Variants in TPR observed in about 807,000 individuals in gnomAD.
TPR encodes translocated promoter region, nuclear basket protein.
In TPR, 51 loss-of-function variants were observed where a neutral mutation model predicts 316.1. The observed-to-expected ratio is 0.16, with a 90% CI of 0.13 to 0.20. The LOEUF (loss-of-function observed/expected upper bound fraction) is 0.20. Among genes scored for constraint, TPR ranks in the 10% least tolerant of loss-of-function variants. The pLI is 1.00. For synonymous variants in TPR, 981 were observed against 914.7 expected (o/e 1.07, Z -1.31); for missense variants, 2,272 against 2,754.8 (o/e 0.82, Z 3.92).
intron 6 of TPR, 137 bp downstream of exon 6, chr1:186,362,700 A>C (rs1309013089): frequency 2.5e-6 from 2 of 803,062 alleles, no homozygotes; most frequent in East Asian, 5.6e-5. Context: ...TTTTACGCCA[A>C]ATGTAATGCA....
chr1:186,347,509 G>A, intron 21 of TPR, 51 bp from the exon 22 acceptor site: 2 of 1,577,982 alleles, frequency 1.3e-6, no homozygotes, highest in Non-Finnish European at 1.7e-6. Flanking sequence ...TAGTATTAGA[G>A]ATGACTGTTA....
chr1:186,361,851 T>G lies in TPR; in HGVS notation c.808A>C (p.Ser270Arg). 6.2e-7 allele frequency: 1 copy of G among 1,612,972 alleles called. No individual in the cohort carries two copies. The highest frequency in any genetic ancestry group is 8.5e-7 in the Non-Finnish European group (1 of 1,179,230). The change falls in exon 8 of 51, where the codon AGT (serine) becomes CGT (arginine). Residue 270 changes from serine (S) to arginine (R), a missense_variant. Ser to Arg is a moderately radical substitution (Grantham distance 110). This residue lies in a region of TPR where 549 missense variants were observed against 598.6 expected (regional missense o/e 0.92). Coordinates refer to ENST00000367478, the MANE Select transcript of TPR (RefSeq NM_003292.3). The part of the protein sequence containing the change: ...KLKEAKEQQA[S>R]MEEKFHNELN... ...TCATTGTGGAATTTCTCTTCCATAC[T>G]GGCCTGTTGTTCCTTGGCCTGAAAA... is the stretch of plus-strand genomic sequence containing the variant.
chr1:186,333,485 A>T, intron 36 of TPR, 91 bp from the exon 37 acceptor site: 1 of 1,504,140 alleles, frequency 6.6e-7, no homozygotes, highest in Non-Finnish European at 8.9e-7. Context: ...GTCACCTTTC[A>T]CACAGATTTG....
rs1658187972 is a variant in TPR at position 186,332,253 on chromosome 1, T to C, written c.5546A>G (p.Asp1849Gly). Reference protein sequence around the residue: ...TIEASDQVSDDTVEMPLPKKL... With the variant: ...TIEASDQVSDGTVEMPLPKKL... ...CTTTGGAAGAGGCATTTCCACTGTA[T>C]CATCAGAGACTTGGTCTGATGCTTC... is the stretch of plus-strand genomic sequence containing the variant. Residue 1849 changes from aspartate (D) to glycine (G), a missense_variant, in exon 38 of 51, where the codon GAT becomes GGT. By Grantham distance (94) the Asp-to-Gly change is moderately conservative (BLOSUM62 -1). Transcript: ENST00000367478. 6.2e-7 allele frequency: 1 copy of C among 1,612,752 alleles called. No individual in the cohort carries two copies. Among genetic ancestry groups the C allele is most frequent in the Non-Finnish European group, 8.5e-7 (1 of 1,179,340 alleles).
At chr1:186,348,679 G>A (rs1334260982) in intron 21 of TPR, among the ~76,000 whole-genome samples, 2 of 152,126 alleles carry the variant, frequency 1.3e-5, no homozygotes, top group African/African-American at 4.8e-5. Context: ...CAGCCCAGCT[G>A]TAAAATTCCT....
intron 26 of TPR, 82 bp downstream of exon 26, chr1:186,343,824 T>A: frequency 8.3e-7 from 1 of 1,210,730 alleles, no homozygotes; most frequent in Non-Finnish European, 1.1e-6. Context: ...TCGTGTATAA[T>A]CTCCTTCTCT....
intron 49 of TPR, among the ~76,000 whole-genome samples, chr1:186,316,072 A>G (rs2102047275): frequency 6.6e-6 from 1 of 152,004 alleles, no homozygotes; most frequent in African/African-American, 2.4e-5. Flanking sequence ...ATTTCATATT[A>G]TACTTTAAAG....
In TPR at chr1:186,355,686, T is replaced by C; in HGVS notation, c.1971A>G (p.Val657=). The C allele has an allele frequency of 3.1e-6, 5 of 1,614,140 alleles. No homozygotes were observed. The highest frequency in any genetic ancestry group is 2.7e-5 in the African/African-American group (2 of 75,056). ...TAGCCTCTGTTGATTCAATAACAGGTACTGGAGCAGGAGTGGAAACAGTCT... is the reference window on the plus strand; with the variant it reads ...TAGCCTCTGTTGATTCAATAACAGGCACTGGAGCAGGAGTGGAAACAGTCT... ...TSQTVSTPAP[V]PVIESTEAIE... is the part of the protein sequence containing the mutation. Residue 657 remains valine, a synonymous_variant, in exon 16 of 51, where the codon GTA becomes GTG. Transcript: ENST00000367478.
Position 186,375,218 on chromosome 1 carries a change from G to A in TPR, c.-190C>T. ...AATCGAGTCCACCCTCAGCGGCAGC[G>A]TTTCAGCAACAGCACCTCACCGCCC... On this transcript the variant is annotated 5_prime_UTR_variant, in exon 1 of 51. The change creates a new upstream start codon in the 5' untranslated region. Coordinates refer to ENST00000367478, the MANE Select transcript of TPR (RefSeq NM_003292.3). 2.7e-6 allele frequency: 4 copies of A among 1,488,428 alleles called. No individual in the cohort carries two copies. The highest frequency in any genetic ancestry group is 3.6e-6 in the Non-Finnish European group (4 of 1,117,850). 92.2% of individuals were successfully genotyped at this position (1,488,428 alleles called of 1,614,324 possible).
chr1:186,364,187 T>A (rs548736716), intron 4 of TPR, among the ~76,000 whole-genome samples: 2 of 152,322 alleles, frequency 1.3e-5, no homozygotes, highest in Admixed American at 1.3e-4. Context: ...TACAATACCA[T>A]AAACCTTGAA....
Position 186,373,378 on chromosome 1 carries a change from C to T in TPR, c.237G>A (p.Arg79=), listed in dbSNP as rs777914682. Residue 79 remains arginine (R), a synonymous_variant, in exon 2 of 51, where the codon CGG becomes CGA. Transcript: ENST00000367478. Reference sequence around the variant, plus strand: ...ACTTACTGAGTTTCTCTAGCTCAAGCCGCAAGCTTTGACACTCTCGGGTTT... The same window carrying T: ...ACTTACTGAGTTTCTCTAGCTCAAGTCGCAAGCTTTGACACTCTCGGGTTT... ...VNETRECQSL[R]LELEKLNNQL... 1 of 1,613,222 alleles carries T rather than the reference C, an allele frequency of 6.2e-7. No individual in the cohort carries two copies. Among genetic ancestry groups the T allele is most frequent in the East Asian group, 2.2e-5 (1 of 44,836 alleles).
chr1:186,325,623 C>T, intron 42 of TPR, 141 bp downstream of exon 42: 1 of 629,404 alleles, frequency 1.6e-6, no homozygotes. Flanking sequence ...TTTATGAGAG[C>T]ACAACAGTCA....
chr1:186,355,682 C>T lies in TPR; in HGVS notation c.1975G>A (p.Val659Ile), dbSNP rs372857687. 3 of 1,613,968 alleles carry T rather than the reference C, an allele frequency of 1.9e-6. No individual in the cohort carries two copies. The highest frequency in any genetic ancestry group is 2.7e-5 in the African/African-American group (2 of 74,918). The change falls in exon 16 of 51, where the codon GTT becomes ATT. Residue 659 changes from valine to isoleucine, a missense_variant. Coordinates refer to ENST00000367478, the MANE Select transcript of TPR (RefSeq NM_003292.3). Reference sequence around the variant, plus strand: ...TCTATAGCCTCTGTTGATTCAATAACAGGTACTGGAGCAGGAGTGGAAACA... The same window carrying T: ...TCTATAGCCTCTGTTGATTCAATAATAGGTACTGGAGCAGGAGTGGAAACA... ...QTVSTPAPVP[V>I]IESTEAIEAK...
At chr1:186,349,209 G>A (rs1658771692) in intron 21 of TPR, among the ~76,000 whole-genome samples, 1 of 152,216 alleles carries the variant, frequency 6.6e-6, no homozygotes, top group Non-Finnish European at 1.5e-5. Flanking sequence ...ATTTTATAAT[G>A]AAGTGTTGAG....
rs781017335 is a variant in TPR at position 186,313,941 on chromosome 1, T to TA, written c.*29dup. The TA allele has an allele frequency of 6.2e-7, 1 of 1,603,172 alleles. No homozygotes were observed. The highest frequency in any genetic ancestry group is 1.7e-5 in the Admixed American group (1 of 59,898). On this transcript the variant is annotated 3_prime_UTR_variant, in exon 51 of 51. Coordinates refer to ENST00000367478, the MANE Select transcript of TPR (RefSeq NM_003292.3). ...TACACTAAAACAGATTTGATAATCT[T>TA]ATTCACAGTTGTTATTGTTTACAGA...
chr1:186,338,380 A>C, intron 30 of TPR, 137 bp from the exon 31 acceptor site: 1 of 681,042 alleles, frequency 1.5e-6, no homozygotes, highest in East Asian at 2.8e-5. Flanking sequence ...ATATACTTCA[A>C]AGGTAAGACC....
rs781374268 is a variant in TPR at position 186,370,959 on chromosome 1, A to T, written c.330+11T>A. The T allele has an allele frequency of 6.2e-7, 1 of 1,607,868 alleles. No homozygotes were observed. Among genetic ancestry groups the T allele is most frequent in the East Asian group, 2.2e-5 (1 of 44,732 alleles). On this transcript the variant is annotated intron_variant, in intron 3 of 50. Coordinates refer to ENST00000367478, the MANE Select transcript of TPR (RefSeq NM_003292.3). ...GTCTACAATGAGCTTATTCTAAGAA[A>T]TATCTCTTACCTGAATGGCAATATT...
intron 30 of TPR, 58 bp from the exon 31 acceptor site, chr1:186,338,301 G>A: frequency 7.1e-7 from 1 of 1,400,602 alleles, no homozygotes; most frequent in South Asian, 1.3e-5. Context: ...TTCAAAGTTT[G>A]AAGTCCAATG....
At chr1:186,340,585 C>T (rs1333117577) in intron 29 of TPR, among the ~76,000 whole-genome samples, 1 of 151,960 alleles carries the variant, frequency 6.6e-6, no homozygotes, top group African/African-American at 2.4e-5. Context: ...GCATGTACCA[C>T]CACGCCCAGC....
Sources: gnomAD v4.1 joint callset for allele counts (sites outside exome capture counted in the v4.1 genomes callset) on GRCh38, gnomAD v4.1.1 for gene constraint, gnomAD v4.1.1 regional missense constraint, MANE v1.5 for transcripts, NCBI Gene and HGNC (gene_info 2026-07-23, HGNC 2026-07-21) for gene names.